Variants in NRP1 observed in about 807,000 individuals in gnomAD.
NRP1 encodes neuropilin 1, also known as neuropilin-1.
A neutral mutation model predicts 106.7 loss-of-function variants in NRP1; 35 were observed. The ratio of observed to expected loss-of-function variants is 0.33; its 90% confidence interval spans 0.25 to 0.43. The LOEUF is 0.43. Among genes scored for constraint, NRP1 ranks in the 20% least tolerant of loss-of-function variants. NRP1 has a pLI of 1.00. For missense variants in NRP1, 1,024 were observed against 1,170.4 expected (o/e 0.87, Z 1.83); for synonymous variants, 437 against 417.9 (o/e 1.05, Z -0.56).
chr10:33,265,609 C>T (rs187100542), intron 3 of NRP1, among the ~76,000 whole-genome samples: 1 of 152,346 alleles, frequency 6.6e-6, no homozygotes, highest in Admixed American at 6.5e-5. Context: ...TCCTCATGCA[C>T]ATATCGGCTA....
chr10:33,187,062 A>G (rs1836059427), intron 13 of NRP1, among the ~76,000 whole-genome samples: 1 of 152,050 alleles, frequency 6.6e-6, no homozygotes, highest in African/African-American at 2.4e-5. Flanking sequence ...AAGTAGAGAT[A>G]GAATCTTGCT....
At chr10:33,328,245 AC>A (rs1848032353) in intron 2 of NRP1, among the ~76,000 whole-genome samples, 1 of 152,068 alleles carries the variant, frequency 6.6e-6, no homozygotes, top group African/African-American at 2.4e-5. Flanking sequence ...ATCCCATTAT[AC>A]CCCACCTGAC....
rs1208966914 is a variant in NRP1, at chr10:33,179,325, G to A, written c.*751C>T. 1 of 152,618 alleles carries A rather than the reference G, an allele frequency of 6.6e-6. No individual in the cohort carries two copies. Among genetic ancestry groups the A allele is most frequent in the Non-Finnish European group, 1.5e-5 (1 of 68,050 alleles). 9.5% of individuals were successfully genotyped at this position (152,618 alleles called of 1,614,324 possible). On this transcript the variant is annotated 3_prime_UTR_variant, in exon 17 of 17. Transcript: ENST00000374867. ...ACAATGAACCAGTACAAACAAAAAG[G>A]CACTTGAGAGGACATAGACTAGCCA... is the stretch of plus-strand genomic sequence containing the variant.
chr10:33,187,809 C>T (rs769114216), intron 13 of NRP1, among the ~76,000 whole-genome samples: 7 of 152,164 alleles, frequency 4.6e-5, no homozygotes, highest in Non-Finnish European at 8.8e-5. Flanking sequence ...ACTGTGCACA[C>T]GTGGGCACAT....
At chr10:33,189,071 C>A (rs899377174) in intron 13 of NRP1, among the ~76,000 whole-genome samples, 1 of 151,702 alleles carries the variant, frequency 6.6e-6, no homozygotes, top group Non-Finnish European at 1.5e-5. Context: ...CACCCCCATC[C>A]TGTTTTCCTC....
rs964215241 is a variant in NRP1 at position 33,330,809 on chromosome 10, G to C, written c.147C>G (p.His49Gln). 1.2e-6 allele frequency: 2 copies of C among 1,613,842 alleles called. No homozygotes were observed. The highest frequency in any genetic ancestry group is 1.7e-6 in the Non-Finnish European group (2 of 1,179,778). ...LTSPGYPHSY[H>Q]PSEKCEWLIQ... is the part of the protein sequence containing the mutation. ...TCAGCCATTCGCATTTTTCACTTGGGTGATAAGAATGAGGATAACCAGGAG... is the reference window on the plus strand; with the variant it reads ...TCAGCCATTCGCATTTTTCACTTGGCTGATAAGAATGAGGATAACCAGGAG... Residue 49 changes from histidine (H) to glutamine (Q), a missense_variant, in exon 2 of 17, where the codon CAC becomes CAG. His to Gln is a conservative substitution (Grantham distance 24). This residue lies in a region of NRP1 where 279 missense variants were observed against 327.4 expected (regional missense o/e 0.85). Coordinates refer to ENST00000374867, the MANE Select transcript of NRP1 (RefSeq NM_003873.7).
chr10:33,269,447 G>A (rs1003660914), intron 3 of NRP1, among the ~76,000 whole-genome samples: 4 of 152,120 alleles, frequency 2.6e-5, no homozygotes, highest in Admixed American at 1.3e-4. Context: ...ACATGCATGC[G>A]CCACCATGGC....
chr10:33,205,712 C>G (rs1837717976), intron 10 of NRP1: 1 of 156,114 alleles, frequency 6.4e-6, no homozygotes, highest in African/African-American at 2.4e-5. Flanking sequence ...AGTACAGGGT[C>G]TGGAAAATAT....
At chr10:33,201,344 C>T (rs1405085894) in intron 11 of NRP1, 1 of 152,070 alleles carries the variant, frequency 6.6e-6, no homozygotes, top group Non-Finnish European at 1.5e-5. Context: ...ATTAACTGAC[C>T]ACTTTAGGGT....
In NRP1 at chr10:33,213,694, C is replaced by T; in HGVS notation, c.1306G>A (p.Gly436Ser). 6.3e-7 allele frequency: 1 copy of T among 1,599,414 alleles called. No homozygotes were observed. Among genetic ancestry groups the T allele is most frequent in the African/African-American group, 1.3e-5 (1 of 74,606 alleles). Residue 436 changes from glycine to serine, a missense_variant, in exon 9 of 17, where the codon GGT becomes AGT. Around this residue, in one of 5 missense-constraint regions of NRP1, gnomAD observed 562 missense variants for 620.3 expected, o/e 0.91. Transcript: ENST00000374867. Reference sequence around the variant, plus strand: ...TCAGAAATAAGTCCAGACACCATACCCAACATTCCAGAGCAAGGATAATCT... The same window carrying T: ...TCAGAAATAAGTCCAGACACCATACTCAACATTCCAGAGCAAGGATAATCT... Reference protein sequence around the residue: ...ITDYPCSGMLGMVSGLISDSQ... With the variant: ...ITDYPCSGMLSMVSGLISDSQ...
At chr10:33,182,833 G>GCGCACACACACACACACACA (rs374584878) in intron 15 of NRP1, 85 bp from the exon 16 acceptor site, 99 of 747,410 alleles carry the variant, frequency 1.3e-4, no homozygotes, top group East Asian at 2.4e-4. Flanking sequence ...TTAGGTACAT[G>GCGCACACACACACACACACA]CACACACACA....
intron 7 of NRP1, among the ~76,000 whole-genome samples, chr10:33,223,737 C>A (rs1384808257): frequency 6.6e-6 from 1 of 152,154 alleles, no homozygotes; most frequent in African/African-American, 2.4e-5. Flanking sequence ...CCTAAATCAG[C>A]ATCTCTCCCT....
intron 4 of NRP1, among the ~76,000 whole-genome samples, chr10:33,260,985 CAAAAAAAAAAAAAA>C (rs35665366): frequency 3.3e-5 from 2 of 60,068 alleles, no homozygotes; most frequent in African/African-American, 1.3e-4. Context: ...TGCCATTGAC[CAAAAAAAAAAAAAA>C]AAAAAAAAAA....
Position 33,207,677 on chromosome 10 carries a change from G to A in NRP1, c.1654C>T (p.Arg552Trp), listed in dbSNP as rs779745790. 20 of 1,613,884 alleles carry A rather than the reference G, an allele frequency of 1.2e-5. No homozygotes were observed. Among genetic ancestry groups the A allele is most frequent in the East Asian group, 8.9e-5 (4 of 44,870 alleles). Residue 552 changes from arginine to tryptophan, a missense_variant, in exon 10 of 17, where the codon CGG becomes TGG. By Grantham distance (101) the Arg-to-Trp change is moderately radical (BLOSUM62 -3). This residue lies in a region of NRP1 where 562 missense variants were observed against 620.3 expected (regional missense o/e 0.91). Coordinates refer to ENST00000374867, the MANE Select transcript of NRP1 (RefSeq NM_003873.7). ...GNNNYDTPEL[R>W]TFPALSTRFI... ...CGCGTGGAGAGAGCTGGAAAAGTCC[G>A]CAGCTCAGGTGTATCATAGTTGTTG...
At chr10:33,269,435 T>A (rs1444340894) in intron 3 of NRP1, among the ~76,000 whole-genome samples, 1 of 152,182 alleles carries the variant, frequency 6.6e-6, no homozygotes, top group Non-Finnish European at 1.5e-5. Context: ...CTGGAACTGA[T>A]CACATGCATG....
At chr10:33,289,470 A>C (rs943480311) in intron 2 of NRP1, among the ~76,000 whole-genome samples, 1 of 152,220 alleles carries the variant, frequency 6.6e-6, no homozygotes, top group African/African-American at 2.4e-5. Context: ...GGTCCACGTC[A>C]TCATGACTCC....
intron 2 of NRP1, among the ~76,000 whole-genome samples, chr10:33,291,645 G>A (rs997034710): frequency 6.6e-6 from 1 of 152,212 alleles, no homozygotes; most frequent in African/African-American, 2.4e-5. Context: ...TAGATATGGT[G>A]TTGGCATGAA....
At chr10:33,273,106 G>GA (rs1160035771) in intron 2 of NRP1, among the ~76,000 whole-genome samples, 1 of 111,102 alleles carries the variant, frequency 9.0e-6, no homozygotes, top group African/African-American at 3.5e-5. Context: ...GGGGGGTGGG[G>GA]GGTGGGATTA....
chr10:33,326,067 C>T (rs545566243), intron 2 of NRP1, among the ~76,000 whole-genome samples: 104 of 152,182 alleles, frequency 6.8e-4, no homozygotes, highest in African/African-American at 1.7e-3. Flanking sequence ...TTTATTGCTC[C>T]CCGGATGGTG....
Sources: gnomAD v4.1 joint callset for allele counts (sites outside exome capture counted in the v4.1 genomes callset) on GRCh38, gnomAD v4.1.1 for gene constraint, gnomAD v4.1.1 regional missense constraint, MANE v1.5 for transcripts, NCBI Gene and HGNC (gene_info 2026-07-23, HGNC 2026-07-21) for gene names.